VIPR2: variants seen among roughly 807,000 people sequenced by gnomAD.
The protein encoded by VIPR2 is vasoactive intestinal polypeptide receptor 2.
A neutral mutation model predicts 58.0 loss-of-function variants in VIPR2; 48 were observed. The observed-to-expected ratio is 0.83, with a 90% CI of 0.66 to 1.05. The LOEUF (loss-of-function observed/expected upper bound fraction) is 1.05, where lower values mean the gene tolerates loss of function less well. VIPR2 is among the 50% of genes least tolerant of loss of function. VIPR2 has a pLI of 0.00. For synonymous variants in VIPR2, 243 were observed against 235.2 expected, an observed-to-expected ratio of 1.03 and a Z score of -0.30; for missense variants, 534 against 558.0, an observed-to-expected ratio of 0.96 and a Z score of 0.43.
At chr7:159,036,659 G>T in intron 7 of VIPR2, 93 bp downstream of exon 7, 1 of 1,448,398 alleles carries the variant, frequency 6.9e-7, no homozygotes. Flanking sequence ...ATTCTACGGG[G>T]GCGGCAAAGT....
chr7:159,131,365 T>C (rs936201021), intron 2 of VIPR2, among the ~76,000 whole-genome samples: 2 of 152,182 alleles, frequency 1.3e-5, no homozygotes, highest in Non-Finnish European at 2.9e-5. Flanking sequence ...CAAGCTTGTC[T>C]TCCCAGGTGC....
chr7:159,069,007 G>A (rs1303505970), intron 4 of VIPR2, among the ~76,000 whole-genome samples: 2 of 152,196 alleles, frequency 1.3e-5, no homozygotes, highest in African/African-American at 4.8e-5. Flanking sequence ...CCTGTCTCTG[G>A]GCTGTGCAGT....
intron 4 of VIPR2, among the ~76,000 whole-genome samples, chr7:159,085,581 C>G (rs927174008): frequency 1.3e-5 from 2 of 152,226 alleles, no homozygotes; most frequent in Non-Finnish European, 2.9e-5. Context: ...AGGCGTGGGC[C>G]ACCGCGCCCG....
At chr7:159,106,526 G>T (rs1435174379) in intron 3 of VIPR2, among the ~76,000 whole-genome samples, 1 of 148,758 alleles carries the variant, frequency 6.7e-6, no homozygotes, top group Non-Finnish European at 1.5e-5. Context: ...GAGGGGCAGA[G>T]AGAGGCCAAG....
chr7:159,055,715 C>A (rs2110707), intron 5 of VIPR2, among the ~76,000 whole-genome samples: 134,530 of 151,986 alleles, frequency 0.89, 60,022 homozygotes, highest in East Asian at 1. Context: ...CTTCCACCCC[C>A]TGTGTTTCTG....
chr7:159,075,032 C>T (rs1028527119), intron 4 of VIPR2, among the ~76,000 whole-genome samples: 1 of 152,172 alleles, frequency 6.6e-6, no homozygotes, highest in Non-Finnish European at 1.5e-5. Context: ...AATAGCTTGG[C>T]TTGGCTTTTG....
At chr7:159,133,889 G>A (rs1797091391) in intron 2 of VIPR2, among the ~76,000 whole-genome samples, 1 of 152,150 alleles carries the variant, frequency 6.6e-6, no homozygotes, top group South Asian at 2.1e-4. Flanking sequence ...AGTAGAAATG[G>A]ACATTCTACC....
At chr7:159,070,846 C>G (rs551265319) in intron 4 of VIPR2, among the ~76,000 whole-genome samples, 1 of 152,312 alleles carries the variant, frequency 6.6e-6, no homozygotes, top group East Asian at 1.9e-4. Context: ...TGCAAAAATG[C>G]CTCCATTAAG....
intron 6 of VIPR2, among the ~76,000 whole-genome samples, chr7:159,039,130 A>C (rs980197858): frequency 6.6e-6 from 1 of 152,214 alleles, no homozygotes; most frequent in African/African-American, 2.4e-5. Flanking sequence ...GCCTTTTGGA[A>C]GGCAATCTAG....
chr7:159,078,963 C>T (rs1856777704), intron 4 of VIPR2, among the ~76,000 whole-genome samples: 1 of 152,136 alleles, frequency 6.6e-6, no homozygotes, highest in South Asian at 2.1e-4. Flanking sequence ...CCCACTGACT[C>T]AGCAAATGGT....
At chr7:159,061,662 A>T (rs952731506) in intron 4 of VIPR2, among the ~76,000 whole-genome samples, 3 of 151,986 alleles carry the variant, frequency 2.0e-5, no homozygotes, top group African/African-American at 7.2e-5. Context: ...CAAAAAAAAA[A>T]GTTAAAAAAA....
intron 5 of VIPR2, among the ~76,000 whole-genome samples, chr7:159,046,458 C>A (rs956758801): frequency 1.3e-5 from 2 of 152,146 alleles, no homozygotes; most frequent in Admixed American, 6.5e-5. Flanking sequence ...CACAAAAGGC[C>A]ACATATTGTA....
chr7:159,042,064 A>AT (rs1450328936), intron 6 of VIPR2, among the ~76,000 whole-genome samples: 2 of 152,114 alleles, frequency 1.3e-5, no homozygotes, highest in African/African-American at 4.8e-5. Context: ...CCAGAGGCAC[A>AT]TTTCCTGCAT....
At chr7:159,082,014 G>A (rs1856929845) in intron 4 of VIPR2, among the ~76,000 whole-genome samples, 1 of 152,202 alleles carries the variant, frequency 6.6e-6, no homozygotes, top group African/African-American at 2.4e-5. Flanking sequence ...TACACTGTTG[G>A]TGGGACTGTA....
chr7:159,035,706 T>C (rs1179554976), intron 8 of VIPR2: 2 of 985,282 alleles, frequency 2.0e-6, no homozygotes, highest in Admixed American at 6.2e-5. Flanking sequence ...CTGCCTGGCT[T>C]ATCCCAATCT....
chr7:159,141,948 C>G (rs1458587966), intron 2 of VIPR2, among the ~76,000 whole-genome samples: 1 of 152,200 alleles, frequency 6.6e-6, no homozygotes, highest in African/African-American at 2.4e-5. Flanking sequence ...ATGCCTCTGT[C>G]AAACCGGAGA....
At chr7:159,135,174 G>C (rs948068060) in intron 2 of VIPR2, among the ~76,000 whole-genome samples, 1 of 152,044 alleles carries the variant, frequency 6.6e-6, no homozygotes, top group Admixed American at 6.5e-5. Context: ...AGGGGCTCGC[G>C]CCTGTAATCT....
intron 2 of VIPR2, among the ~76,000 whole-genome samples, chr7:159,138,855 A>T (rs1220594550): frequency 6.6e-6 from 1 of 152,260 alleles, no homozygotes; most frequent in Non-Finnish European, 1.5e-5. Context: ...ATATATATGT[A>T]TATCACTTAA....
intron 8 of VIPR2, among the ~76,000 whole-genome samples, chr7:159,034,869 G>T (rs567490260): frequency 1.1e-4 from 17 of 152,284 alleles, no homozygotes; most frequent in African/African-American, 4.1e-4. Flanking sequence ...GAGGAATGGA[G>T]GTGCGGCCCC....
Sources: allele counts gnomAD v4.1 joint callset (sites outside exome capture counted in the v4.1 genomes callset), GRCh38; gene constraint gnomAD v4.1.1; transcripts MANE v1.5; gene names NCBI Gene and HGNC (gene_info 2026-07-23, HGNC 2026-07-21).